Variants in SLC30A10 observed in about 807,000 individuals in gnomAD.
The protein encoded by SLC30A10 is solute carrier family 30 member 10.
A neutral mutation model predicts 21.7 loss-of-function variants in SLC30A10; 8 were observed. The observed-to-expected ratio is 0.37, with a 90% CI of 0.22 to 0.67. SLC30A10 has a LOEUF of 0.67. Ranked by LOEUF, SLC30A10 falls within the 30% of genes least tolerant of loss-of-function variation. SLC30A10 has a pLI of 0.58. For missense variants in SLC30A10, 521 were observed against 642.5 expected, an observed-to-expected ratio of 0.81 and a Z score of 2.04; for synonymous variants, 272 against 279.4, an observed-to-expected ratio of 0.97 and a Z score of 0.26.
chr1:219,946,366 G>T (rs1473632351), intron 1 of SLC30A10, among the ~76,000 whole-genome samples: 1 of 152,164 alleles, frequency 6.6e-6, no homozygotes, highest in Non-Finnish European at 1.5e-5. Flanking sequence ...AGGAAGCAGT[G>T]GTTGATATTG....
rs1282503039 is a variant in SLC30A10, at chr1:219,912,114, T to C, written c.*3335A>G. On this transcript the variant is annotated 3_prime_UTR_variant, in exon 4 of 4. Transcript: ENST00000366926. ...TTCCTTGACATTCAAAACACCTGTC[T>C]CTACTGAACTTTAGAGTTCTTGATT... 7.1e-6 allele frequency among the ~76,000 whole-genome samples: 1 copy of C among 141,020 alleles called. No individual in the cohort carries two copies. Among genetic ancestry groups the C allele is most frequent in the Admixed American group, 7.5e-5 (1 of 13,322 alleles). 92.5% of individuals were successfully genotyped at this position (141,020 alleles called of 152,430 possible). A position where few individuals can be genotyped will look rare whatever the true frequency, so the allele number is the denominator to read the frequency against.
chr1:219,928,059 C>T lies in SLC30A10; in HGVS notation c.382G>A (p.Val128Met), dbSNP rs1461456356. The T allele has an allele frequency of 1.3e-6, 2 of 1,591,148 alleles. No homozygotes were observed. Among genetic ancestry groups the T allele is most frequent in the Non-Finnish European group, 1.7e-6 (2 of 1,170,400 alleles). The change falls in exon 1 of 4, where the codon GTG becomes ATG. Residue 128 changes from valine (V) to methionine (M), a missense_variant. Val to Met is a conservative substitution (Grantham distance 21, BLOSUM62 1). Coordinates refer to ENST00000366926, the MANE Select transcript of SLC30A10 (RefSeq NM_018713.3). The surrounding 1 kb of genome is among the most constrained non-coding windows in gnomAD (Gnocchi z 6.3). ...TCCTGGAAGATGAGCAGCCCCACCA[C>T]GTTGACCAACAGCCCCAGGACGCCG... is the stretch of plus-strand genomic sequence containing the variant. ...IVGVLGLLVNVVGLLIFQDCA... is the reference protein window; with the variant it reads ...IVGVLGLLVNMVGLLIFQDCA...
chr1:219,947,821 A>G (rs1660210688), intron 1 of SLC30A10, among the ~76,000 whole-genome samples: 2 of 152,118 alleles, frequency 1.3e-5, no homozygotes, highest in African/African-American at 4.8e-5. Flanking sequence ...CCAATAAGAG[A>G]GAAACTCCGT....
chr1:219,925,332 G>A (rs1272740204), intron 2 of SLC30A10, among the ~76,000 whole-genome samples: 1 of 151,870 alleles, frequency 6.6e-6, no homozygotes, highest in African/African-American at 2.4e-5. Flanking sequence ...TCAGGAGTTC[G>A]AGACCAGCCT....
chr1:219,956,080 G>A (rs1660345438), intron 1 of SLC30A10, among the ~76,000 whole-genome samples: 1 of 152,204 alleles, frequency 6.6e-6, no homozygotes, highest in Non-Finnish European at 1.5e-5. Flanking sequence ...CAGAAAAGGT[G>A]ATACATAACT....
Position 219,927,031 on chromosome 1 carries a change from T to G in SLC30A10, c.715A>C (p.Arg239=). 6.2e-7 allele frequency: 1 copy of G among 1,611,590 alleles called. No individual in the cohort carries two copies. Among genetic ancestry groups the G allele is most frequent in the Non-Finnish European group, 8.5e-7 (1 of 1,177,816 alleles). Residue 239 remains arginine (R), a synonymous_variant, in exon 2 of 4, where the codon AGA becomes CGA. Transcript: ENST00000366926. ...ATAGGCCCAAAGTCAATCCTACCTC[T>G]GATATTCAGAGCTTCAGACTTTTTC... ...KEKKSEALNI[R]GVLLHVMGDA... is the part of the protein sequence containing the mutation.
At chr1:219,950,594 G>A (rs547733996) in intron 1 of SLC30A10, among the ~76,000 whole-genome samples, 1 of 148,546 alleles carries the variant, frequency 6.7e-6, no homozygotes, top group Non-Finnish European at 1.5e-5. Context: ...AGCCAAGATC[G>A]TGCCACTGCA....
At chr1:219,935,152 A>G (rs547226502) in intron 1 of SLC30A10, among the ~76,000 whole-genome samples, 110 of 152,334 alleles carry the variant, frequency 7.2e-4, no homozygotes, top group African/African-American at 2.6e-3. Context: ...AAAAAGAACT[A>G]CAAGTTGCAA....
upstream of SLC30A10, among the ~76,000 whole-genome samples, chr1:219,930,464 C>T (rs1659951877): frequency 6.6e-6 from 1 of 152,134 alleles, no homozygotes; most frequent in Admixed American, 6.5e-5. Context: ...CATAGCAAGG[C>T]CCTGTCTCAA....
At chr1:219,926,410 G>A (rs139258140) in intron 2 of SLC30A10, among the ~76,000 whole-genome samples, 4 of 152,284 alleles carry the variant, frequency 2.6e-5, no homozygotes, top group African/African-American at 9.6e-5. Flanking sequence ...GAGAGATGTT[G>A]GCTACAATGG....
chr1:219,940,045 C>A, intron 1 of SLC30A10, among the ~76,000 whole-genome samples: 1 of 152,310 alleles, frequency 6.6e-6, no homozygotes, highest in East Asian at 1.9e-4. Context: ...GACCTTGATA[C>A]GCCTTCCATT....
chr1:219,951,250 C>T (rs927341604), intron 1 of SLC30A10, among the ~76,000 whole-genome samples: 4 of 151,602 alleles, frequency 2.6e-5, no homozygotes, highest in Admixed American at 2.0e-4. Flanking sequence ...TGTGAGCCAC[C>T]GCCCCTGGCT....
rs1659448061 is a variant in SLC30A10, at chr1:219,912,890, G to A, written c.*2559C>T. ...TATGTCAGTTCTTTAAAAAAAGGCG[G>A]GGAGGAGGGGATTTTCTGTAAATAA... On this transcript the variant is annotated 3_prime_UTR_variant, in exon 4 of 4. Coordinates refer to ENST00000366926, the MANE Select transcript of SLC30A10 (RefSeq NM_018713.3). 6.6e-6 allele frequency among the ~76,000 whole-genome samples: 1 copy of A among 152,094 alleles called. No homozygotes were observed. Among genetic ancestry groups the A allele is most frequent in the Non-Finnish European group, 1.5e-5 (1 of 68,004 alleles).
At position 219,917,708 on chromosome 1, in the gene SLC30A10, C is replaced by CTTTTTTTTTTTTT. The variant is rs35106027; in HGVS notation, c.958+534_958+546dup. On this transcript the variant is annotated intron_variant, in intron 3 of 3. Coordinates refer to ENST00000366926, the MANE Select transcript of SLC30A10 (RefSeq NM_018713.3). ...TGCATTCTTTTCTTTTTTTTCTTTC[C>CTTTTTTTTTTTTT]TTTTTTTTTTTTTTTTTTTTGAGTC... Among the ~76,000 whole-genome samples the CTTTTTTTTTTTTT allele has an allele frequency of 1.4e-4, 15 of 104,106 alleles. 1 individual carries two copies. The highest frequency in any genetic ancestry group is 4.1e-4 in the African/African-American group (10 of 24,528). The allele number at this position is 104,106 out of a possible 152,430, so 68.3% of individuals were successfully genotyped here.
rs1347468081 is a variant in SLC30A10 at position 219,928,324 on chromosome 1, G to C, written c.117C>G (p.Ser39=). 3.1e-6 allele frequency: 5 copies of C among 1,612,192 alleles called. No homozygotes were observed. The highest frequency in any genetic ancestry group is 4.2e-6 in the Non-Finnish European group (5 of 1,179,508). The part of the protein sequence containing the change: ...GYLGNSIALL[S]DSFNMLSDLI... ...GGTCGGAGAGCATGTTGAAGGAGTCGGAGAGCAGCGCGATGGAGTTGCCCA... is the reference window on the plus strand; with the variant it reads ...GGTCGGAGAGCATGTTGAAGGAGTCCGAGAGCAGCGCGATGGAGTTGCCCA... The change falls in exon 1 of 4, where the codon TCC becomes TCG. Residue 39 remains serine (S), a synonymous_variant. Transcript: ENST00000366926. The surrounding 1 kb of genome is among the most constrained non-coding windows in gnomAD (Gnocchi z 6.3).
rs930061091 is a variant in SLC30A10, at chr1:219,928,535, G to T, written c.-95C>A. 8.3e-7 allele frequency: 1 copy of T among 1,202,538 alleles called. No individual in the cohort carries two copies. The highest frequency in any genetic ancestry group is 1.1e-6 in the Non-Finnish European group (1 of 913,880). 74.5% of individuals were successfully genotyped at this position (1,202,538 alleles called of 1,614,324 possible). A position where few individuals can be genotyped will look rare whatever the true frequency, so the allele number is the denominator to read the frequency against. The stretch of plus-strand genomic sequence containing the variant: ...GGGGGGCGCGGCGCGGATCCGTGAG[G>T]CCCGGTACCCGCCTCCCAGATTGTC... On this transcript the variant is annotated 5_prime_UTR_variant, in exon 1 of 4. Coordinates refer to ENST00000366926, the MANE Select transcript of SLC30A10 (RefSeq NM_018713.3). The surrounding 1 kb of genome is among the most constrained non-coding windows in gnomAD (Gnocchi z 6.3).
chr1:219,953,897 G>A (rs895031108), intron 1 of SLC30A10, among the ~76,000 whole-genome samples: 2 of 151,186 alleles, frequency 1.3e-5, no homozygotes, highest in Non-Finnish European at 2.9e-5. Context: ...TAGTAGAGAT[G>A]GGGTTTCACC....
Position 219,918,106 on chromosome 1 carries a change from T to A in SLC30A10, c.958+149A>T. On this transcript the variant is annotated intron_variant, in intron 3 of 3. Transcript: ENST00000366926. This position sits in a 1 kb window ranked among gnomAD's most constrained non-coding sequence, Gnocchi z 4.4. ...TTGGAGCTGAGTCATCTTAATAGGC[T>A]ATAAAACATATGATGACATCTCTAC... The A allele has an allele frequency of 5.6e-6, 6 of 1,063,270 alleles. No individual in the cohort carries two copies. Among genetic ancestry groups the A allele is most frequent in the Non-Finnish European group, 6.8e-6 (5 of 732,252 alleles). The allele number at this position is 1,063,270 out of a possible 1,614,324, so 65.9% of individuals were successfully genotyped here. A position where few individuals can be genotyped will look rare whatever the true frequency, so the allele number is the denominator to read the frequency against.
At chr1:219,917,005 C>G (rs1659560890) in intron 3 of SLC30A10, among the ~76,000 whole-genome samples, 2 of 147,752 alleles carry the variant, frequency 1.4e-5, no homozygotes, top group South Asian at 4.2e-4. Flanking sequence ...GAGTCTTGCC[C>G]TGTCTCCCAG....
Sources: gnomAD v4.1 joint callset for allele counts (sites outside exome capture counted in the v4.1 genomes callset) on GRCh38, gnomAD v4.1.1 for gene constraint, Gnocchi (gnomAD v3.1) non-coding constraint, MANE v1.5 for transcripts, NCBI Gene and HGNC (gene_info 2026-07-23, HGNC 2026-07-21) for gene names.